FMN1: variants seen among roughly 807,000 people sequenced by gnomAD.
FMN1 encodes formin-1.
Under a neutral mutation model 132.4 loss-of-function variants are expected in FMN1, and 110 were observed. That is an observed-to-expected ratio of 0.83 (90% CI 0.71 to 0.97). FMN1 has a LOEUF of 0.97. Among genes scored for constraint, FMN1 ranks in the 50% least tolerant of loss-of-function variants. The pLI is 0.00. For missense variants in FMN1, 1,792 were observed against 1,705.3 expected, an observed-to-expected ratio of 1.05 and a Z score of -0.90; for synonymous variants, 722 against 651.7, an observed-to-expected ratio of 1.11 and a Z score of -1.64.
At chr15:32,854,732 G>A (rs1364279189) in intron 17 of FMN1, among the ~76,000 whole-genome samples, 1 of 152,028 alleles carries the variant, frequency 6.6e-6, no homozygotes, top group Non-Finnish European at 1.5e-5. Flanking sequence ...GGCCAACATA[G>A]TGAAACCCCA....
chr15:33,061,420 T>C (rs2037476625), intron 6 of FMN1, among the ~76,000 whole-genome samples: 2 of 151,992 alleles, frequency 1.3e-5, no homozygotes, highest in Admixed American at 6.6e-5. Context: ...AAATACAAGA[T>C]ATATACATAT....
chr15:32,955,812 T>TGTGTGTGTGTGTGCGTGTGC (rs756673933), intron 9 of FMN1, among the ~76,000 whole-genome samples: 1 of 96,272 alleles, frequency 1.0e-5, no homozygotes, highest in African/African-American at 8.0e-5. Flanking sequence ...TGCGTGTGCG[T>TGTGTGTGTGTGTGCGTGTGC]GTGTGTGTGT....
intron 9 of FMN1, among the ~76,000 whole-genome samples, chr15:32,935,128 G>A (rs1458908094): frequency 1.3e-5 from 2 of 151,946 alleles, no homozygotes; most frequent in African/African-American, 4.8e-5. Flanking sequence ...TCACCATGTT[G>A]GGAAGGCTGG....
At chr15:33,064,440 GAGTT>G (rs1452977319) in intron 6 of FMN1, 2 of 152,214 alleles carry the variant, frequency 1.3e-5, no homozygotes, top group Non-Finnish European at 2.9e-5. Flanking sequence ...GGTTTCCAGA[GAGTT>G]AGGTTGCTTT....
chr15:32,799,100 T>C (rs1189687917), intron 18 of FMN1, 147 bp from the exon 19 acceptor site: 2 of 655,070 alleles, frequency 3.1e-6, no homozygotes, highest in Non-Finnish European at 5.1e-6. Context: ...CTGAAGTTTA[T>C]TGTAAACCTC....
chr15:33,079,629 A>T (rs1387415564), intron 5 of FMN1, among the ~76,000 whole-genome samples: 1 of 152,276 alleles, frequency 6.6e-6, no homozygotes, highest in Non-Finnish European at 1.5e-5. Context: ...TCTCAAAAAA[A>T]GAAAGCTGAG....
At position 33,088,819 on chromosome 15, in the gene FMN1, C is replaced by T. The variant is rs1312756911; in HGVS notation, c.2023G>A (p.Glu675Lys). 5.9e-6 allele frequency: 9 copies of T among 1,535,708 alleles called. No homozygotes were observed. The highest frequency in any genetic ancestry group is 7.8e-6 in the Non-Finnish European group (9 of 1,146,742). ...CTTACATGGAGATCCAAGTACAATT[C>T]GCTCCTGTTTGACTTCTCCCTTTCC... The part of the protein sequence containing the change: ...HEEREKSNRS[E>K]LYLDLHPDHS... Residue 675 changes from glutamate (E) to lysine (K), a missense_variant, in exon 5 of 21, where the codon GAA becomes AAA. Coordinates refer to ENST00000616417, the MANE Select transcript of FMN1 (RefSeq NM_001277313.2).
At chr15:32,891,114 A>G (rs1270739370) in intron 15 of FMN1, among the ~76,000 whole-genome samples, 1 of 152,188 alleles carries the variant, frequency 6.6e-6, no homozygotes, top group Non-Finnish European at 1.5e-5. Context: ...TTTTTATACC[A>G]GTACCACGTT....
chr15:32,888,344 AG>A, intron 15 of FMN1, 52 bp from the exon 16 acceptor site: 1 of 1,490,866 alleles, frequency 6.7e-7, no homozygotes, highest in African/African-American at 1.4e-5. Context: ...TGTCACTTTC[AG>A]TTGAAATTCC....
intron 6 of FMN1, chr15:33,012,615 C>A (rs1281192744): frequency 7.8e-6 from 8 of 1,023,724 alleles, no homozygotes; most frequent in Non-Finnish European, 1.2e-5. Flanking sequence ...TTCAGAAATA[C>A]CACACTGCAA....
chr15:32,988,046 CCAG>C (rs1177618433), intron 7 of FMN1, among the ~76,000 whole-genome samples: 2 of 128,336 alleles, frequency 1.6e-5, no homozygotes, highest in Non-Finnish European at 3.2e-5. Flanking sequence ...GCCTGTCTCT[CCAG>C]TTTTTTTTTT....
chr15:33,089,941 C>A (rs1401725407), intron 4 of FMN1, among the ~76,000 whole-genome samples: 2 of 152,130 alleles, frequency 1.3e-5, no homozygotes, highest in Non-Finnish European at 2.9e-5. Context: ...CCTTGGGATG[C>A]CCTTTAGTAC....
rs539718987 is a variant in FMN1, at chr15:33,132,522, GCT to G, written c.1867+20524_1867+20525del. On this transcript the variant is annotated intron_variant, in intron 4 of 20. Transcript: ENST00000616417. ...AGCCTCAGACCAGAGCTGATTTAGAGCTCTGTAAGTCACAGAAAAGTGCCAGG... is the reference window on the plus strand; with the variant it reads ...AGCCTCAGACCAGAGCTGATTTAGAGCTGTAAGTCACAGAAAAGTGCCAGG... Among the ~76,000 whole-genome samples the G allele has an allele frequency of 1.2e-4, 19 of 152,256 alleles. No individual in the cohort carries two copies. The East Asian group carries it at 3.7e-3, about 29-fold the overall frequency.
intron 19 of FMN1, among the ~76,000 whole-genome samples, chr15:32,787,912 T>C (rs1250723637): frequency 1.3e-5 from 2 of 152,358 alleles, no homozygotes; most frequent in South Asian, 2.1e-4. Context: ...TTGTGTACTT[T>C]GTCAAATCTA....
chr15:32,995,009 AAG>A (rs1158226739), intron 7 of FMN1, among the ~76,000 whole-genome samples: 1 of 152,138 alleles, frequency 6.6e-6, no homozygotes, highest in African/African-American at 2.4e-5. Flanking sequence ...CTAGAAAGTT[AAG>A]AGAAAAAGGG....
At chr15:33,031,900 A>G (rs755248088) in intron 6 of FMN1, among the ~76,000 whole-genome samples, 5 of 152,256 alleles carry the variant, frequency 3.3e-5, no homozygotes, top group Non-Finnish European at 7.3e-5. Context: ...TAAAGCAGTA[A>G]TGTATCAATT....
intron 15 of FMN1, among the ~76,000 whole-genome samples, chr15:32,892,707 G>T (rs900590051): frequency 7.9e-5 from 12 of 151,674 alleles, no homozygotes; most frequent in Non-Finnish European, 1.6e-4. Flanking sequence ...TTTTTTGTTG[G>T]TAATTTTAAA....
chr15:33,099,599 G>A (rs79690003), intron 4 of FMN1, among the ~76,000 whole-genome samples: 3,533 of 152,206 alleles, frequency 0.023, 156 homozygotes, highest in African/African-American at 0.081. Flanking sequence ...GTACAGTGCC[G>A]TTCTTTCCAG....
intron 5 of FMN1, chr15:33,066,725 T>G: frequency 6.2e-7 from 1 of 1,613,804 alleles, no homozygotes; most frequent in Non-Finnish European, 8.5e-7. Flanking sequence ...ACCCTGGGTT[T>G]GTGGTACTCC....
Sources: gnomAD v4.1 joint callset for allele counts (sites outside exome capture counted in the v4.1 genomes callset) on GRCh38, gnomAD v4.1.1 for gene constraint, MANE v1.5 for transcripts, NCBI Gene and HGNC (gene_info 2026-07-23, HGNC 2026-07-21) for gene names.